GOLGB1: variants seen among roughly 807,000 people sequenced by gnomAD.
GOLGB1 encodes golgin B1.
GOLGB1 carries 174 observed loss-of-function variants against 336.9 expected under a neutral mutation model. That is an observed-to-expected ratio of 0.52 (90% CI 0.46 to 0.59). GOLGB1 has a LOEUF of 0.59. GOLGB1 is among the 20% of genes least tolerant of loss of function. GOLGB1 has a pLI of 0.00. For synonymous variants in GOLGB1, 1,208 were observed against 1,289.2 expected, an observed-to-expected ratio of 0.94 and a Z score of 1.35; for missense variants, 3,331 against 3,645.3, an observed-to-expected ratio of 0.91 and a Z score of 2.22.
rs1942963084 is a variant in GOLGB1 at position 121,696,525 on chromosome 3, G to A, written c.3998C>T (p.Thr1333Ile). The A allele has an allele frequency of 6.2e-7, 1 of 1,614,002 alleles. No individual in the cohort carries two copies. The highest frequency in any genetic ancestry group is 8.5e-7 in the Non-Finnish European group (1 of 1,179,998). Residue 1333 changes from threonine to isoleucine, a missense_variant, in exon 13 of 22, where the codon ACA (threonine) becomes ATA (isoleucine). By Grantham distance (89) the Thr-to-Ile change is moderately conservative (BLOSUM62 -1). Transcript: ENST00000614479. ...KVELELKVSS[T>I]TSELTKKSEE... ...TGATTTTTTAGTAAGCTCACTTGTTGTAGAACTAACTTTCAATTCTAACTC... is the reference window on the plus strand; with the variant it reads ...TGATTTTTTAGTAAGCTCACTTGTTATAGAACTAACTTTCAATTCTAACTC...
chr3:121,714,478 G>C (rs1382900863), intron 10 of GOLGB1, among the ~76,000 whole-genome samples: 1 of 151,476 alleles, frequency 6.6e-6, no homozygotes, highest in Non-Finnish European at 1.5e-5. Context: ...TTTTAAGTTT[G>C]ATTAGACTGA....
chr3:121,694,864 C>A lies in GOLGB1; in HGVS notation c.5659G>T (p.Gly1887Cys), dbSNP rs1427116126. 6.2e-7 allele frequency: 1 copy of A among 1,613,806 alleles called. No homozygotes were observed. The highest frequency in any genetic ancestry group is 8.5e-7 in the Non-Finnish European group (1 of 1,179,884). ...TCCTCCTGAAGCATTTTTAGTTCACCATCCTTTGTTGATATCTGACTCAGT... is the reference window on the plus strand; with the variant it reads ...TCCTCCTGAAGCATTTTTAGTTCACAATCCTTTGTTGATATCTGACTCAGT... ...TLLSQISTKD[G>C]ELKMLQEEVT... Residue 1887 changes from glycine (G) to cysteine (C), a missense_variant, in exon 13 of 22, where the codon GGT (glycine) becomes TGT (cysteine). Physicochemically the swap from Gly to Cys is radical, Grantham distance 159 (BLOSUM62 -3). Coordinates refer to ENST00000614479, the MANE Select transcript of GOLGB1 (RefSeq NM_001366282.2).
In GOLGB1 at chr3:121,690,976, T is replaced by C; in HGVS notation, c.8388A>G (p.Ser2796=). The part of the protein sequence containing the change: ...RDALLSETAF[S]MNSTEENSLS... ...AGCTATTCTCCTCAGTGGAGTTCATTGAAAAGGCGGTTTCAGAAAGAAGAG... is the reference window on the plus strand; with the variant it reads ...AGCTATTCTCCTCAGTGGAGTTCATCGAAAAGGCGGTTTCAGAAAGAAGAG... The change falls in exon 14 of 22, where the codon TCA becomes TCG. Residue 2796 remains serine, a synonymous_variant. Coordinates refer to ENST00000614479, the MANE Select transcript of GOLGB1 (RefSeq NM_001366282.2). 1 of 1,614,194 alleles carries C rather than the reference T, an allele frequency of 6.2e-7. No individual in the cohort carries two copies. The highest frequency in any genetic ancestry group is 2.2e-5 in the East Asian group (1 of 44,894).
chr3:121,691,064 T>C lies in GOLGB1; in HGVS notation c.8300A>G (p.Asp2767Gly). The stretch of plus-strand genomic sequence containing the variant: ...CTGTGCCAATTCCTTCAGACTGGCA[T>C]CATATTTCCTTTTCAGTTCATCAAG... The part of the protein sequence containing the change: ...EELDELKRKY[D>G]ASLKELAQLK... The change falls in exon 14 of 22, where the codon GAT becomes GGT. Residue 2767 changes from aspartate to glycine, a missense_variant. Coordinates refer to ENST00000614479, the MANE Select transcript of GOLGB1 (RefSeq NM_001366282.2). 6.2e-7 allele frequency: 1 copy of C among 1,613,962 alleles called. No individual in the cohort carries two copies. Among genetic ancestry groups the C allele is most frequent in the Non-Finnish European group, 8.5e-7 (1 of 1,179,890 alleles).
chr3:121,729,136 A>T (rs528755077), intron 4 of GOLGB1, 52 bp downstream of exon 4: 1 of 1,234,112 alleles, frequency 8.1e-7, no homozygotes, highest in South Asian at 1.4e-5. Context: ...GATCTGCTGT[A>T]TTGGTAGGTT....
rs573845677 is a variant in GOLGB1 at position 121,706,605 on chromosome 3, T to C, written c.1405-4010A>G. The stretch of plus-strand genomic sequence containing the variant: ...TAAAATTAGCCAGGCGTGGTGGCGG[T>C]TGCCTGTAATCCAAGCTACATGGGA... On this transcript the variant is annotated intron_variant, in intron 10 of 21. Transcript: ENST00000614479. Among the ~76,000 whole-genome samples the C allele has an allele frequency of 6.0e-5, 9 of 150,444 alleles. No homozygotes were observed. In the East Asian group the frequency reaches 1.8e-3, roughly 29 times the overall value.
intron 1 of GOLGB1, among the ~76,000 whole-genome samples, chr3:121,746,410 T>C (rs1447186367): frequency 1.3e-5 from 2 of 152,200 alleles, no homozygotes; most frequent in African/African-American, 4.8e-5. Flanking sequence ...CAAACACTGC[T>C]CCAATATCTT....
At chr3:121,723,603 G>T (rs1016714837) in intron 5 of GOLGB1, among the ~76,000 whole-genome samples, 4 of 152,126 alleles carry the variant, frequency 2.6e-5, no homozygotes, top group Admixed American at 6.6e-5. Context: ...CCAGTGTGTG[G>T]ATATACCACA....
intron 10 of GOLGB1, among the ~76,000 whole-genome samples, chr3:121,708,660 C>A (rs1466176811): frequency 1.3e-5 from 2 of 152,114 alleles, no homozygotes; most frequent in Admixed American, 1.3e-4. Context: ...ACACACAAAA[C>A]CCTCTTTAAA....
rs1476890822 is a variant in GOLGB1 at position 121,696,103 on chromosome 3, C to G, written c.4420G>C (p.Glu1474Gln). 6.2e-7 allele frequency: 1 copy of G among 1,613,922 alleles called. No individual in the cohort carries two copies. The highest frequency in any genetic ancestry group is 1.3e-5 in the African/African-American group (1 of 74,916). Reference protein sequence around the residue: ...VELCEMKQKPEEIGEESRAKQ... With the variant: ...VELCEMKQKPQEIGEESRAKQ... ...GCTCTACTTTCTTCTCCAATCTCTT[C>G]TGGTTTTTGCTTCATTTCACAAAGT... Residue 1474 changes from glutamate (E) to glutamine (Q), a missense_variant, in exon 13 of 22, where the codon GAA (glutamate) becomes CAA (glutamine). Transcript: ENST00000614479.
Position 121,691,965 on chromosome 3 carries a change from A to C in GOLGB1, c.7399T>G (p.Phe2467Val). Residue 2467 changes from phenylalanine to valine, a missense_variant, in exon 14 of 22, where the codon TTT (phenylalanine) becomes GTT (valine). By Grantham distance (50) the Phe-to-Val change is conservative. Coordinates refer to ENST00000614479, the MANE Select transcript of GOLGB1 (RefSeq NM_001366282.2). The stretch of plus-strand genomic sequence containing the variant: ...TGGAGAGAAGACATGGATTTAACAA[A>C]GGAATCCAACTGTGCCTTTTGCTGA... ...NIQQKAQLDS[F>V]VKSMSSLQND... The C allele has an allele frequency of 6.2e-7, 1 of 1,614,074 alleles. No individual in the cohort carries two copies. Among genetic ancestry groups the C allele is most frequent in the East Asian group, 2.2e-5 (1 of 44,878 alleles).
At chr3:121,683,906 G>A (rs1941396894) in intron 14 of GOLGB1, among the ~76,000 whole-genome samples, 1 of 152,002 alleles carries the variant, frequency 6.6e-6, no homozygotes, top group Non-Finnish European at 1.5e-5. Context: ...GAGGTGGGCA[G>A]ATCACGAGGT....
At chr3:121,721,333 C>T (rs749886935) in intron 6 of GOLGB1, among the ~76,000 whole-genome samples, 10 of 151,896 alleles carry the variant, frequency 6.6e-5, no homozygotes, top group African/African-American at 1.5e-4. Context: ...ATTCCCCCAC[C>T]GCTGCCCCCA....
intron 17 of GOLGB1, among the ~76,000 whole-genome samples, chr3:121,671,286 G>A (rs895199370): frequency 6.6e-6 from 1 of 152,154 alleles, no homozygotes; most frequent in Non-Finnish European, 1.5e-5. Context: ...TCCATCTCAT[G>A]TTTTTAAGTT....
chr3:121,715,193 A>G (rs1004351155), intron 9 of GOLGB1, among the ~76,000 whole-genome samples: 1 of 149,946 alleles, frequency 6.7e-6, no homozygotes, highest in Non-Finnish European at 1.5e-5. Flanking sequence ...AAAATAAAAT[A>G]GGCCTAGGCA....
In GOLGB1 at chr3:121,692,495, T is replaced by C. The variant is rs144686178; in HGVS notation, c.6869A>G (p.Glu2290Gly). ...QQKVCDTLQG[E>G]NKELLSQLEE... ...TAGCTGGGACAAAAGTTCTTTGTTTTCCCCCTGTAGAGTATCACAGACCTT... is the reference window on the plus strand; with the variant it reads ...TAGCTGGGACAAAAGTTCTTTGTTTCCCCCCTGTAGAGTATCACAGACCTT... Residue 2290 changes from glutamate (E) to glycine (G), a missense_variant, in exon 14 of 22, where the codon GAA (glutamate) becomes GGA (glycine). Transcript: ENST00000614479. The C allele has an allele frequency of 1.9e-6, 3 of 1,613,756 alleles. No individual in the cohort carries two copies. The highest frequency in any genetic ancestry group is 1.3e-5 in the African/African-American group (1 of 74,906).
rs559582800 is a variant in GOLGB1 at position 121,689,241 on chromosome 3, G to A, written c.8694+1429C>T. 5.3e-5 allele frequency among the ~76,000 whole-genome samples: 8 copies of A among 152,302 alleles called. 1 individual carries two copies. In the South Asian group the frequency reaches 8.3e-4, roughly 16 times the overall value. ...AAGGTGGGGAAAAGATTGAGAAATC[G>A]GATGGTTGCCATGTCTGTGTAGAAA... is the stretch of plus-strand genomic sequence containing the variant. On this transcript the variant is annotated intron_variant, in intron 14 of 21. Transcript: ENST00000614479.
At chr3:121,710,344 T>C (rs1346029957) in intron 10 of GOLGB1, among the ~76,000 whole-genome samples, 1 of 152,146 alleles carries the variant, frequency 6.6e-6, no homozygotes, top group Non-Finnish European at 1.5e-5. Context: ...GAGGCTGCCA[T>C]ACCCTTAATA....
intron 1 of GOLGB1, among the ~76,000 whole-genome samples, chr3:121,739,240 G>T (rs1320526890): frequency 6.6e-6 from 1 of 152,006 alleles, no homozygotes; most frequent in African/African-American, 2.4e-5. Flanking sequence ...ACTCCAGCCT[G>T]GGTGATAGAG....
Sources: allele counts gnomAD v4.1 joint callset (sites outside exome capture counted in the v4.1 genomes callset), GRCh38; gene constraint gnomAD v4.1.1; transcripts MANE v1.5; gene names NCBI Gene and HGNC (gene_info 2026-07-23, HGNC 2026-07-21).